The following CT45A10 variants were observed in gnomAD, a reference collection of about 807,000 sequenced individuals.
CT45A10 encodes cancer/testis antigen family 45 member A10.
Under a neutral mutation model 8.3 loss-of-function variants are expected in CT45A10, and 19 were observed. The ratio of observed to expected loss-of-function variants is 2.30; its 90% CI spans 1.61 to 3.38. The LOEUF (loss-of-function observed/expected upper bound fraction) is 3.38, where lower values mean the gene tolerates loss of function less well. CT45A10 is among the 30% of genes most tolerant of loss of function. The pLI is 0.00. For missense variants in CT45A10, 149 were observed against 85.9 expected (o/e 1.73, Z -2.90); for synonymous variants, 28 against 26.5 (o/e 1.06, Z -0.17).
chrX:135,883,247 G>T lies in CT45A10; in HGVS notation c.179C>A (p.Thr60Lys), dbSNP rs2088408779. 5 of 1,196,880 alleles carry T rather than the reference G, an allele frequency of 4.2e-6. 1 individual carries two copies. The highest frequency in any genetic ancestry group is 5.6e-6 in the Non-Finnish European group (5 of 885,694). The stretch of plus-strand genomic sequence containing the variant: ...TTGGCTGGGTGGAATAGCATGTCCT[G>T]TCATAAGCTCTGGTGAAACAAATTT... Reference protein sequence around the residue: ...SAMSKEKKLMTGHAIPPSQLD... With the variant: ...SAMSKEKKLMKGHAIPPSQLD... The change falls in exon 3 of 5, where the codon ACA becomes AAA. Residue 60 changes from threonine to lysine, a missense_variant. Transcript: ENST00000682849.
chrX:135,883,838 A>T (rs2088419558), intron 2 of CT45A10, among the ~76,000 whole-genome samples: 1 of 39,311 alleles, frequency 2.5e-5, no homozygotes, highest in Non-Finnish European at 4.8e-5. Context: ...AGTCCCTTTT[A>T]CTGTATGATT....
chrX:135,891,208 G>A (rs2148067249), intron 1 of CT45A10, among the ~76,000 whole-genome samples: 1 of 110,334 alleles, frequency 9.1e-6, no homozygotes, highest in African/African-American at 3.3e-5. Flanking sequence ...TTTTTGATTA[G>A]GATAAAAAAG....
Position 135,883,124 on chromosome X carries a change from T to G in CT45A10, c.302A>C (p.Asn101Thr), listed in dbSNP as rs1362127143. The change falls in exon 3 of 5, where the codon AAT (asparagine) becomes ACT (threonine). Residue 101 changes from asparagine (N) to threonine (T), a missense_variant. Transcript: ENST00000682849. ...NAPVGGNVTSNFSGDDLECRG... is the reference protein window; with the variant it reads ...NAPVGGNVTSTFSGDDLECRG... ...GCATTCTAGGTCATCTCCAGAGAAA[T>G]TGCTGGTAACGTTTCCTCCCACAGG... 55 of 1,197,445 alleles carry G rather than the reference T, an allele frequency of 4.6e-5. 1 individual carries two copies. In the South Asian group the frequency reaches 9.0e-4, roughly 19 times the overall value.
intron 1 of CT45A10, among the ~76,000 whole-genome samples, chrX:135,889,616 C>T (rs1290909598): frequency 9.0e-6 from 1 of 111,265 alleles, no homozygotes; most frequent in Non-Finnish European, 1.9e-5. Flanking sequence ...CTTGGGAGGC[C>T]GAAGTGTCTG....
intron 1 of CT45A10, among the ~76,000 whole-genome samples, chrX:135,890,407 C>T (rs1403414096): frequency 2.7e-5 from 3 of 112,201 alleles, no homozygotes; most frequent in Non-Finnish European, 5.6e-5. Flanking sequence ...CAGGCCCCCG[C>T]GGAGGATCAA....
chrX:135,887,634 T>C (rs1227507448), intron 1 of CT45A10, among the ~76,000 whole-genome samples: 183 of 101,437 alleles, frequency 1.8e-3, no homozygotes, highest in African/African-American at 6.0e-3. Flanking sequence ...AATAAACACA[T>C]AAAATGGTGC....
intron 2 of CT45A10, 114 bp from the exon 3 acceptor site, chrX:135,883,370 G>C: frequency 8.6e-7 from 1 of 1,158,737 alleles, no homozygotes; most frequent in African/African-American, 1.8e-5. Context: ...AAGTTGAGCT[G>C]TGAGATACGT....
At chrX:135,889,804 G>C (rs1051393666) in intron 1 of CT45A10, among the ~76,000 whole-genome samples, 102 of 99,687 alleles carry the variant, frequency 1.0e-3, no homozygotes, top group African/African-American at 3.4e-3. Context: ...CACAAGACAG[G>C]AGGAAAGAAA....
In CT45A10 at chrX:135,883,209, T is replaced by A. The variant is rs1189958184; in HGVS notation, c.217A>T (p.Ile73Phe). The A allele has an allele frequency of 2.3e-5, 28 of 1,196,162 alleles. No homozygotes were observed. The African/African-American group carries it at 4.4e-4, about 19-fold the overall frequency. ...TTGCTGAAACCAGTGAAGTCATCAA[T>A]CTGAGAATCCAATTGGCTGGGTGGA... is the stretch of plus-strand genomic sequence containing the variant. ...AIPPSQLDSQ[I>F]DDFTGFSKDG... Residue 73 changes from isoleucine (I) to phenylalanine (F), a missense_variant, in exon 3 of 5, where the codon ATT (isoleucine) becomes TTT (phenylalanine). Transcript: ENST00000682849.
At chrX:135,892,561 C>A (rs2088516137) in intron 1 of CT45A10, among the ~76,000 whole-genome samples, 1 of 110,910 alleles carries the variant, frequency 9.0e-6, no homozygotes. Context: ...ACAGAGTTCC[C>A]AAGGTCAGCT....
intron 1 of CT45A10, among the ~76,000 whole-genome samples, chrX:135,892,284 A>G (rs2088512863): frequency 1.8e-5 from 2 of 112,018 alleles, no homozygotes; most frequent in Admixed American, 1.9e-4. Flanking sequence ...CACTTTTAAA[A>G]AGGGTGCTCA....
At chrX:135,893,287 G>T (rs73226717) in intron 1 of CT45A10, among the ~76,000 whole-genome samples, 58 bp downstream of exon 1, 1 of 111,704 alleles carries the variant, frequency 9.0e-6, no homozygotes, top group African/African-American at 3.3e-5. Flanking sequence ...ACACTTTCCC[G>T]GGCGAAATTA....
intron 3 of CT45A10, 55 bp downstream of exon 3, chrX:135,882,953 A>G: frequency 8.6e-7 from 1 of 1,167,024 alleles, no homozygotes; most frequent in South Asian, 1.9e-5. Context: ...CTTCTGAATC[A>G]TAGAAAGAGT....
At chrX:135,889,324 C>G (rs1383015063) in intron 1 of CT45A10, 5 of 110,890 alleles carry the variant, frequency 4.5e-5, no homozygotes, top group African/African-American at 9.9e-5. Context: ...AAAACGCAGA[C>G]AAAAATTAGC....
intron 1 of CT45A10, among the ~76,000 whole-genome samples, chrX:135,891,070 A>G (rs782769707): frequency 1.4e-3 from 156 of 111,540 alleles, no homozygotes; most frequent in South Asian, 9.8e-3. Context: ...TGCACTTCAT[A>G]AATGCAGGGA....
intron 1 of CT45A10, among the ~76,000 whole-genome samples, chrX:135,892,069 C>G (rs1556590327): frequency 9.2e-6 from 1 of 108,830 alleles, no homozygotes; most frequent in Non-Finnish European, 1.9e-5. Flanking sequence ...GCCTGTAATC[C>G]CAGCACTTTG....
chrX:135,882,926 AG>A lies in CT45A10; in HGVS notation c.418+81del. On this transcript the variant is annotated intron_variant, in intron 3 of 4. Transcript: ENST00000682849. ...CAACTCTGGCAAAGAATGAGCCTCA[AG>A]AGGTAACATGGATATCTTCTGAATC... The A allele has an allele frequency of 5.4e-6, 6 of 1,108,142 alleles. 1 individual carries two copies. The highest frequency in any genetic ancestry group is 7.3e-6 in the Non-Finnish European group (6 of 821,267). The allele number at this position is 1,108,142 out of a possible 1,213,427, so 91.3% of individuals were successfully genotyped here. A position where few individuals can be genotyped will look rare whatever the true frequency, so the allele number is the denominator to read the frequency against.
At position 135,883,249 on chromosome X, in the gene CT45A10, C is replaced by A; in HGVS notation, c.177G>T (p.Met59Ile). ...GGCTGGGTGGAATAGCATGTCCTGT[C>A]ATAAGCTCTGGTGAAACAAATTTTG... ...GSAMSKEKKLMTGHAIPPSQL... is the reference protein window; with the variant it reads ...GSAMSKEKKLITGHAIPPSQL... Residue 59 changes from methionine (M) to isoleucine (I), a missense_variant, in exon 3 of 5, where the codon ATG (methionine) becomes ATT (isoleucine). Met to Ile is a conservative substitution (Grantham distance 10). Transcript: ENST00000682849. The A allele has an allele frequency of 1.7e-6, 2 of 1,196,718 alleles. No homozygotes were observed. The highest frequency in any genetic ancestry group is 2.3e-6 in the Non-Finnish European group (2 of 885,568).
chrX:135,891,958 C>T (rs782502632), intron 1 of CT45A10, among the ~76,000 whole-genome samples: 2 of 105,757 alleles, frequency 1.9e-5, no homozygotes, highest in South Asian at 4.1e-4. Flanking sequence ...GAAAAGACCT[C>T]AAAGGGAACT....
Sources: gnomAD v4.1 joint callset for allele counts (sites outside exome capture counted in the v4.1 genomes callset) on GRCh38, gnomAD v4.1.1 for gene constraint, MANE v1.5 for transcripts, NCBI Gene and HGNC (gene_info 2026-07-23, HGNC 2026-07-21) for gene names.